The following USP6NL variants were observed in gnomAD, a reference collection of about 807,000 sequenced individuals.
The protein encoded by USP6NL is USP6 N-terminal like.
Under a neutral mutation model 61.9 loss-of-function variants are expected in USP6NL, and 26 were observed. The observed-to-expected ratio is 0.42, with a 90% CI of 0.31 to 0.58. The LOEUF is 0.58. Ranked by LOEUF, USP6NL falls within the 20% of genes least tolerant of loss-of-function variation. USP6NL has a pLI of 0.16. For synonymous variants in USP6NL, 432 were observed against 390.1 expected, an observed-to-expected ratio of 1.11 and a Z score of -1.27; for missense variants, 1,114 against 1,034.3, an observed-to-expected ratio of 1.08 and a Z score of -1.06.
At chr10:11,577,467 A>T (rs1273626838) in intron 2 of USP6NL, among the ~76,000 whole-genome samples, 2 of 152,092 alleles carry the variant, frequency 1.3e-5, no homozygotes. Flanking sequence ...ATAAGCATGC[A>T]ACTAACTTCT....
intron 2 of USP6NL, among the ~76,000 whole-genome samples, chr10:11,569,314 G>A (rs777119474): frequency 2.0e-5 from 3 of 151,880 alleles, no homozygotes; most frequent in Non-Finnish European, 4.4e-5. Flanking sequence ...ATAATATTTC[G>A]CTGATCTAAG....
rs1838332575 is a variant in USP6NL at position 11,596,501 on chromosome 10, G to T, written c.4+1130C>A. Among the ~76,000 whole-genome samples, 1 of 152,058 alleles carries T rather than the reference G, an allele frequency of 6.6e-6. No individual in the cohort carries two copies. Among genetic ancestry groups the T allele is most frequent in the Non-Finnish European group, 1.5e-5 (1 of 68,018 alleles). ...TAGCTGGGCCTGGTGGCGGGCGCCT[G>T]TAGTCCCAGCTACTCGGGAGGCTGA... On this transcript the variant is annotated intron_variant, in intron 2 of 14. Transcript: ENST00000609104. This position sits in a 1 kb window ranked among gnomAD's most constrained non-coding sequence, Gnocchi z 4.1.
At chr10:11,609,149 C>G (rs1838798439) in intron 1 of USP6NL, among the ~76,000 whole-genome samples, 1 of 152,206 alleles carries the variant, frequency 6.6e-6, no homozygotes, top group Non-Finnish European at 1.5e-5. Context: ...ACTGCAACCT[C>G]TACCTCCCAG....
At position 11,573,584 on chromosome 10, in the gene USP6NL, T is replaced by C. The variant is rs146713481; in HGVS notation, c.4+24047A>G. The C allele has an allele frequency of 3.3e-3, 1,316 of 398,788 alleles. 16 individuals carry two copies. Among genetic ancestry groups the C allele is most frequent in the African/African-American group, 0.024 (1,176 of 48,736 alleles). The allele number at this position is 398,788 out of a possible 1,614,324, so 24.7% of individuals were successfully genotyped here. A position where few individuals can be genotyped will look rare whatever the true frequency, so the allele number is the denominator to read the frequency against. On this transcript the variant is annotated intron_variant, in intron 2 of 14. Coordinates refer to ENST00000609104, the MANE Select transcript of USP6NL (RefSeq NM_014688.5). Reference sequence around the variant, plus strand: ...ATCTGAGTGCCCTGAAAGTGCTTGATTGTTCATTCTGCTAATCCTACCTTC... The same window carrying C: ...ATCTGAGTGCCCTGAAAGTGCTTGACTGTTCATTCTGCTAATCCTACCTTC...
At chr10:11,566,598 C>T (rs114651007) in intron 2 of USP6NL, among the ~76,000 whole-genome samples, 87 of 152,346 alleles carry the variant, frequency 5.7e-4, no homozygotes, top group African/African-American at 2.0e-3. Flanking sequence ...TGAACTCGGG[C>T]AATCTGGCTA....
chr10:11,556,966 C>G (rs529474620), intron 2 of USP6NL, among the ~76,000 whole-genome samples: 1 of 152,268 alleles, frequency 6.6e-6, no homozygotes, highest in South Asian at 2.1e-4. Flanking sequence ...CTTGCACGCA[C>G]AGATGAAAAG....
Position 11,562,820 on chromosome 10 carries a change from G to A in USP6NL, c.4+34811C>T, listed in dbSNP as rs986398560. 1.0e-6 allele frequency: 1 copy of A among 975,552 alleles called. No individual in the cohort carries two copies. Among genetic ancestry groups the A allele is most frequent in the Non-Finnish European group, 1.2e-6 (1 of 821,046 alleles). The allele number at this position is 975,552 out of a possible 1,614,324, so 60.4% of individuals were successfully genotyped here. The stretch of plus-strand genomic sequence containing the variant: ...AGTTTTATTAGGCATTAGTAAATAA[G>A]TTTTAGAAGAATAATAGTAAGGGTC... On this transcript the variant is annotated intron_variant, in intron 2 of 14. Transcript: ENST00000609104. This position sits in a 1 kb window ranked among gnomAD's most constrained non-coding sequence, Gnocchi z 4.8.
rs182968462 is a variant in USP6NL, at chr10:11,597,356, C to G, written c.4+275G>C. ...TTTCTGAAGAACCGTTTTCCAATGG[C>G]AAGTCAATAGAAAATTTTAGATCAC... On this transcript the variant is annotated intron_variant, in intron 2 of 14. Coordinates refer to ENST00000609104, the MANE Select transcript of USP6NL (RefSeq NM_014688.5). This position sits in a 1 kb window ranked among gnomAD's most constrained non-coding sequence, Gnocchi z 4.6. 2.6e-4 allele frequency among the ~76,000 whole-genome samples: 39 copies of G among 152,242 alleles called. No individual in the cohort carries two copies. The highest frequency in any genetic ancestry group is 8.4e-4 in the African/African-American group (35 of 41,524).
chr10:11,584,610 T>C (rs990526845), intron 2 of USP6NL, among the ~76,000 whole-genome samples: 2 of 152,166 alleles, frequency 1.3e-5, no homozygotes, highest in African/African-American at 4.8e-5. Flanking sequence ...ATCTCTCCTC[T>C]GACCATCACA....
At position 11,496,347 on chromosome 10, in the gene USP6NL, T is replaced by G. The variant is rs573720694; in HGVS notation, c.385-3119A>C. 6.6e-6 allele frequency among the ~76,000 whole-genome samples: 1 copy of G among 152,254 alleles called. No homozygotes were observed. Among genetic ancestry groups the G allele is most frequent in the East Asian group, 1.9e-4 (1 of 5,202 alleles). On this transcript the variant is annotated intron_variant, in intron 7 of 14. Transcript: ENST00000609104. The surrounding 1 kb of genome is among the most constrained non-coding windows in gnomAD (Gnocchi z 5.4). ...AAGCCTTACGGAGATTCTGAGCTAC[T>G]AATCAGGTTGCTTCTCCAATTCCCA... is the stretch of plus-strand genomic sequence containing the variant.
chr10:11,547,860 T>C (rs983888059), intron 2 of USP6NL, among the ~76,000 whole-genome samples: 9 of 152,194 alleles, frequency 5.9e-5, no homozygotes, highest in Admixed American at 1.3e-4. Flanking sequence ...AAGTGCTATA[T>C]AAATACAAGG....
rs1195180298 is a variant in USP6NL at position 11,465,635 on chromosome 10, G to A, written c.1079-1786C>T. ...TGCTACTGCTGCTGTGCCTGTACGT[G>A]CTCTCCCCACACCGTGCTGGCAGCG... On this transcript the variant is annotated intron_variant, in intron 14 of 14. Coordinates refer to ENST00000609104, the MANE Select transcript of USP6NL (RefSeq NM_014688.5). The surrounding 1 kb of genome is among the most constrained non-coding windows in gnomAD (Gnocchi z 4.5). Among the ~76,000 whole-genome samples the A allele has an allele frequency of 1.3e-5, 2 of 152,178 alleles. No individual in the cohort carries two copies. The highest frequency in any genetic ancestry group is 4.8e-5 in the African/African-American group (2 of 41,424).
chr10:11,515,045 C>G (rs1049629789), intron 5 of USP6NL, among the ~76,000 whole-genome samples: 7 of 152,200 alleles, frequency 4.6e-5, no homozygotes, highest in Admixed American at 2.6e-4. Context: ...TAAGTCAGAA[C>G]TGGCCTCTCC....
At chr10:11,555,451 T>TATATATATAGAGAGAG (rs1427219382) in intron 2 of USP6NL, among the ~76,000 whole-genome samples, 6 of 60,996 alleles carry the variant, frequency 9.8e-5, no homozygotes, top group East Asian at 9.7e-4. Context: ...TATATATATA[T>TATATATATAGAGAGAG]AGAGAGAGAG....
Position 11,463,503 on chromosome 10 carries a change from G to A in USP6NL, c.1425C>T (p.Ala475=), listed in dbSNP as rs2096226620. The A allele has an allele frequency of 1.2e-6, 2 of 1,613,928 alleles. No individual in the cohort carries two copies. Among genetic ancestry groups the A allele is most frequent in the Non-Finnish European group, 8.5e-7 (1 of 1,179,912 alleles). The part of the protein sequence containing the change: ...NHAAANQNSN[A]TSNIRKEFVP... The stretch of plus-strand genomic sequence containing the variant: ...CAAACTCCTTCCTGATATTTGAAGT[G>A]GCGTTGCTATTTTGGTTGGCAGCTG... The change falls in exon 15 of 15, where the codon GCC becomes GCT. Residue 475 remains alanine (A), a synonymous_variant. Transcript: ENST00000609104. The surrounding 1 kb of genome is among the most constrained non-coding windows in gnomAD (Gnocchi z 6.3).
chr10:11,498,267 A>C (rs2133295851), intron 7 of USP6NL, among the ~76,000 whole-genome samples: 1 of 136,232 alleles, frequency 7.3e-6, no homozygotes, highest in East Asian at 2.1e-4. Context: ...AAAAATTAGG[A>C]TTATCATTGT....
chr10:11,511,041 CACT>C lies in USP6NL; in HGVS notation c.196-1369_196-1367del, dbSNP rs1475896439. Among the ~76,000 whole-genome samples, 1 of 152,188 alleles carries C rather than the reference CACT, an allele frequency of 6.6e-6. No individual in the cohort carries two copies. Among genetic ancestry groups the C allele is most frequent in the Admixed American group, 6.5e-5 (1 of 15,288 alleles). On this transcript the variant is annotated intron_variant, in intron 5 of 14. Transcript: ENST00000609104. The surrounding 1 kb of genome is among the most constrained non-coding windows in gnomAD (Gnocchi z 4.9). ...GCAGATGGCATATATGCCTCACCAC[CACT>C]ATTTTTAGACCTAAAAGTACATAAA...
intron 3 of USP6NL, among the ~76,000 whole-genome samples, chr10:11,526,706 C>T (rs527596945): frequency 2.0e-5 from 3 of 152,202 alleles, no homozygotes; most frequent in Admixed American, 1.3e-4. Flanking sequence ...GGAACAGATA[C>T]ATAATTACAA....
rs1159574559 is a variant in USP6NL at position 11,490,437 on chromosome 10, T to C, written c.543+395A>G. Among the ~76,000 whole-genome samples the C allele has an allele frequency of 6.6e-6, 1 of 152,168 alleles. No homozygotes were observed. Among genetic ancestry groups the C allele is most frequent in the African/African-American group, 2.4e-5 (1 of 41,440 alleles). ...CTCACCTAATAGATAAATGTGATTG[T>C]GAAAAGTAACCTCCCAAGAGCAAAG... On this transcript the variant is annotated intron_variant, in intron 9 of 14. Coordinates refer to ENST00000609104, the MANE Select transcript of USP6NL (RefSeq NM_014688.5). The surrounding 1 kb of genome is among the most constrained non-coding windows in gnomAD (Gnocchi z 4.5).
Sources: gnomAD v4.1 joint callset for allele counts (sites outside exome capture counted in the v4.1 genomes callset) on GRCh38, gnomAD v4.1.1 for gene constraint, Gnocchi (gnomAD v3.1) non-coding constraint, MANE v1.5 for transcripts, NCBI Gene and HGNC (gene_info 2026-07-23, HGNC 2026-07-21) for gene names.